The following ZNF599 variants were observed in gnomAD, a reference collection of about 807,000 sequenced individuals.
ZNF599 encodes zinc finger protein 599.
A neutral mutation model predicts 11.7 loss-of-function variants in ZNF599; 10 were observed. The ratio of observed to expected loss-of-function variants is 0.86; its 90% CI spans 0.53 to 1.45. The LOEUF (loss-of-function observed/expected upper bound fraction) is 1.45, where lower values mean the gene tolerates loss of function less well. ZNF599 is among the 40% of genes most tolerant of loss of function. The pLI is 0.00. For synonymous variants in ZNF599, 232 were observed against 253.2 expected, an observed-to-expected ratio of 0.92 and a Z score of 0.79; for missense variants, 688 against 713.6, an observed-to-expected ratio of 0.96 and a Z score of 0.41.
the ZNF599 span, among the ~76,000 whole-genome samples, chr19:34,794,424 G>A: frequency 6.6e-6 from 1 of 152,096 alleles, no homozygotes; most frequent in Non-Finnish European, 1.5e-5. Flanking sequence ...GTTTTAGCTG[G>A]TTTTGGCCAG....
At chr19:34,779,816 C>A in the ZNF599 span, 1 of 182,712 alleles carries the variant, frequency 5.5e-6, no homozygotes, top group Non-Finnish European at 1.1e-5. Context: ...AGTGTGGACT[C>A]TCTGTTGCTA....
intron 2 of ZNF599, 28 bp downstream of exon 2, chr19:34,769,401 C>T: frequency 6.2e-7 from 1 of 1,613,946 alleles, no homozygotes; most frequent in Non-Finnish European, 8.5e-7. Flanking sequence ...CTGTGGGTCC[C>T]CTACATGGGA....
the ZNF599 span, chr19:34,779,406 C>T: frequency 2.2e-6 from 1 of 449,238 alleles, no homozygotes; most frequent in Admixed American, 2.4e-5. Context: ...CAGCCCTGAC[C>T]TTTTTCCATA....
chr19:34,770,296 A>T (rs2069174695), intron 1 of ZNF599, among the ~76,000 whole-genome samples: 1 of 152,224 alleles, frequency 6.6e-6, no homozygotes, highest in African/African-American at 2.4e-5. Flanking sequence ...TTGAACCCAC[A>T]TCCCTCGGGT....
chr19:34,789,733 A>G, the ZNF599 span, among the ~76,000 whole-genome samples: 95 of 152,242 alleles, frequency 6.2e-4, no homozygotes, highest in Non-Finnish European at 1.3e-3. Context: ...TCAGTTCATT[A>G]TATATTTTGG....
At position 34,759,808 on chromosome 19, in the gene ZNF599, C is replaced by G; in HGVS notation, c.993G>C (p.Arg331Ser). 1 of 1,614,188 alleles carries G rather than the reference C, an allele frequency of 6.2e-7. No individual in the cohort carries two copies. Among genetic ancestry groups the G allele is most frequent in the Non-Finnish European group, 8.5e-7 (1 of 1,180,032 alleles). ...CATAGAGTTTCTTTCCAGTATGAATCCTCATATGTTGAGCAAATGAGGAGC... is the reference window on the plus strand; with the variant it reads ...CATAGAGTTTCTTTCCAGTATGAATGCTCATATGTTGAGCAAATGAGGAGC... Reference protein sequence around the residue: ...YYSSSFAQHMRIHTGKKLYEC... With the variant: ...YYSSSFAQHMSIHTGKKLYEC... The change falls in exon 4 of 4, where the codon AGG (arginine) becomes AGC (serine). Residue 331 changes from arginine (R) to serine (S), a missense_variant. By Grantham distance (110) the Arg-to-Ser change is moderately radical. Transcript: ENST00000329285.
chr19:34,787,892 C>T, the ZNF599 span, among the ~76,000 whole-genome samples: 187 of 152,316 alleles, frequency 1.2e-3, 2 homozygotes, highest in Middle Eastern at 6.8e-3. Flanking sequence ...CAGATACATA[C>T]TCATTACAGT....
chr19:34,794,763 G>C, the ZNF599 span, among the ~76,000 whole-genome samples: 10 of 152,014 alleles, frequency 6.6e-5, 1 homozygote, highest in African/African-American at 2.4e-4. Flanking sequence ...TAGAGACAGC[G>C]TTTCACCATG....
the ZNF599 span, among the ~76,000 whole-genome samples, chr19:34,802,344 G>A: frequency 6.6e-6 from 1 of 152,316 alleles, no homozygotes; most frequent in East Asian, 1.9e-4. Context: ...ATGAGGAGGA[G>A]TGGGGTCTAC....
chr19:34,782,249 A>G, the ZNF599 span, among the ~76,000 whole-genome samples: 8 of 152,240 alleles, frequency 5.3e-5, no homozygotes, highest in Admixed American at 5.2e-4. Context: ...AGTGGCCAGC[A>G]TTTGTTCAGA....
chr19:34,771,365 C>T (rs1373534552), intron 1 of ZNF599, among the ~76,000 whole-genome samples: 1 of 152,182 alleles, frequency 6.6e-6, no homozygotes, highest in Non-Finnish European at 1.5e-5. Context: ...GGTTCCTCTT[C>T]TGTAAAGAAA....
the ZNF599 span, among the ~76,000 whole-genome samples, chr19:34,794,589 G>A: frequency 1.8e-5 from 2 of 109,128 alleles, 1 homozygote; most frequent in South Asian, 5.7e-4. Flanking sequence ...TTTTTTTTTT[G>A]AGACAGAGTC....
At chr19:34,771,402 A>C (rs1046456082) in intron 1 of ZNF599, among the ~76,000 whole-genome samples, 1 of 152,212 alleles carries the variant, frequency 6.6e-6, no homozygotes, top group African/African-American at 2.4e-5. Context: ...TTACTCTGAG[A>C]AGAAGGGCGT....
At chr19:34,805,144 T>C in the ZNF599 span, among the ~76,000 whole-genome samples, 1 of 152,030 alleles carries the variant, frequency 6.6e-6, no homozygotes, top group Non-Finnish European at 1.5e-5. Flanking sequence ...AGACAGTCAC[T>C]GCTCACCTAT....
chr19:34,765,737 G>C, intron 3 of ZNF599: 1 of 697,136 alleles, frequency 1.4e-6, no homozygotes, highest in Non-Finnish European at 2.6e-6. Flanking sequence ...CAGATGCTCT[G>C]ACATCAGTGG....
chr19:34,788,512 A>G, the ZNF599 span: 1 of 152,244 alleles, frequency 6.6e-6, no homozygotes, highest in Non-Finnish European at 1.5e-5. Flanking sequence ...AAGAAACAGC[A>G]TAAAGCAAAA....
At chr19:34,768,933 A>G (rs1017580430) in intron 2 of ZNF599, among the ~76,000 whole-genome samples, 4 of 152,238 alleles carry the variant, frequency 2.6e-5, no homozygotes, top group Non-Finnish European at 5.9e-5. Flanking sequence ...GCAGCAGAGG[A>G]GCAAGGCACA....
At chr19:34,782,884 G>C in the ZNF599 span, among the ~76,000 whole-genome samples, 1 of 152,136 alleles carries the variant, frequency 6.6e-6, no homozygotes, top group East Asian at 1.9e-4. Context: ...CATGATGGAG[G>C]CTATTGACTC....
At position 34,759,930 on chromosome 19, in the gene ZNF599, C is replaced by A; in HGVS notation, c.871G>T (p.Ala291Ser). The A allele has an allele frequency of 6.2e-7, 1 of 1,614,124 alleles. No homozygotes were observed. The highest frequency in any genetic ancestry group is 8.5e-7 in the Non-Finnish European group (1 of 1,180,022). The change falls in exon 4 of 4, where the codon GCA (alanine) becomes TCA (serine). Residue 291 changes from alanine (A) to serine (S), a missense_variant. Transcript: ENST00000329285. ...KPYECKECGK[A>S]FTHRSSFIQH... Reference sequence around the variant, plus strand: ...ATAAAAGAAGAGCGGTGGGTGAATGCTTTGCCACATTCTTTGCACTCATAG... The same window carrying A: ...ATAAAAGAAGAGCGGTGGGTGAATGATTTGCCACATTCTTTGCACTCATAG...
Sources: allele counts gnomAD v4.1 joint callset (sites outside exome capture counted in the v4.1 genomes callset), GRCh38; gene constraint gnomAD v4.1.1; transcripts MANE v1.5; gene names NCBI Gene and HGNC (gene_info 2026-07-23, HGNC 2026-07-21).